Variants in COL9A1 observed in about 807,000 individuals in gnomAD.
COL9A1 encodes collagen alpha-1(IX) chain.
COL9A1 carries 104 observed loss-of-function variants against 142.6 expected under a neutral mutation model. That is an observed-to-expected ratio of 0.73 (90% CI 0.62 to 0.86). COL9A1 has a LOEUF of 0.86. Among genes scored for constraint, COL9A1 ranks in the 40% least tolerant of loss-of-function variants. The pLI is 0.00. For missense variants in COL9A1, 1,210 were observed against 1,176.6 expected (o/e 1.03, Z -0.42); for synonymous variants, 466 against 396.0 (o/e 1.18, Z -2.10).
intron 17 of COL9A1, among the ~76,000 whole-genome samples, chr6:70,267,318 G>GTTTTTTTTTTTTTTTTTTTTTTTTTT (rs1253782694): frequency 1.0e-5 from 1 of 97,726 alleles, no homozygotes; most frequent in Non-Finnish European, 2.3e-5. Flanking sequence ...TTGTTTGTTT[G>GTTTTTTTTTTTTTTTTTTTTTTTTTT]GTTTTTTTGT....
chr6:70,231,516 A>G (rs1025350797), intron 36 of COL9A1, among the ~76,000 whole-genome samples: 2 of 152,216 alleles, frequency 1.3e-5, no homozygotes, highest in Non-Finnish European at 2.9e-5. Context: ...GCCTTATAAG[A>G]GGTCTCAGTT....
intron 20 of COL9A1, among the ~76,000 whole-genome samples, chr6:70,260,416 G>T (rs1350373822): frequency 1.3e-5 from 2 of 151,908 alleles, no homozygotes; most frequent in Non-Finnish European, 2.9e-5. Context: ...GGTGGCAGGC[G>T]CCTGTAATCC....
chr6:70,282,983 G>T (rs774549806), intron 6 of COL9A1, 65 bp from the exon 7 acceptor site: 67 of 1,613,856 alleles, frequency 4.2e-5, no homozygotes, highest in Non-Finnish European at 5.6e-5. Context: ...CAACTTACTT[G>T]AGCCGCGCAC....
chr6:70,278,616 G>A (rs1223949394), intron 10 of COL9A1, among the ~76,000 whole-genome samples: 1 of 151,866 alleles, frequency 6.6e-6, no homozygotes, highest in Non-Finnish European at 1.5e-5. Flanking sequence ...TTCCTCTCCT[G>A]TCTCAGCAGA....
At chr6:70,255,439 T>G in intron 21 of COL9A1, 49 bp from the exon 22 acceptor site, 1 of 1,515,186 alleles carries the variant, frequency 6.6e-7, no homozygotes, top group Non-Finnish European at 9.2e-7. Context: ...TACTTATTAA[T>G]CAACTTTTAA....
chr6:70,219,071 G>A (rs1768712259), intron 37 of COL9A1, among the ~76,000 whole-genome samples: 1 of 152,206 alleles, frequency 6.6e-6, no homozygotes, highest in African/African-American at 2.4e-5. Flanking sequence ...AGATAAAGCT[G>A]TAGCAGAACT....
chr6:70,230,438 T>C (rs1769473070), intron 36 of COL9A1, among the ~76,000 whole-genome samples: 1 of 152,122 alleles, frequency 6.6e-6, no homozygotes, highest in Admixed American at 6.6e-5. Flanking sequence ...AAAAAAATCC[T>C]TTGGAAAAGG....
chr6:70,253,408 C>A lies in COL9A1; in HGVS notation c.1741G>T (p.Ala581Ser). The A allele has an allele frequency of 6.2e-7, 1 of 1,606,240 alleles. No individual in the cohort carries two copies. The highest frequency in any genetic ancestry group is 8.5e-7 in the Non-Finnish European group (1 of 1,173,472). Residue 581 changes from alanine to serine, a missense_variant, in exon 26 of 38, where the codon GCA (alanine) becomes TCA (serine). Physicochemically the swap from Ala to Ser is moderately conservative, Grantham distance 99 (BLOSUM62 1). Coordinates refer to ENST00000357250, the MANE Select transcript of COL9A1 (RefSeq NM_001851.6). Reference protein sequence around the residue: ...GLPGVPGIPGAKGVAGEKGST... With the variant: ...GLPGVPGIPGSKGVAGEKGST... ...ACCTTTTCACCAGCAACACCCTTTG[C>A]ACCAGGAATTCCAGGTACACCCTAA...
intron 11 of COL9A1, 58 bp downstream of exon 11, chr6:70,274,661 A>G (rs1183256027): frequency 1.4e-6 from 2 of 1,386,756 alleles, no homozygotes; most frequent in African/African-American, 1.4e-5. Context: ...CAAACACTGC[A>G]ATAAAATTAT....
At chr6:70,279,286 A>G (rs975800086) in intron 10 of COL9A1, among the ~76,000 whole-genome samples, 1 of 152,218 alleles carries the variant, frequency 6.6e-6, no homozygotes, top group Non-Finnish European at 1.5e-5. Context: ...ATTGCCAACA[A>G]GTTATATTAT....
chr6:70,256,686 A>G (rs1407365869), intron 21 of COL9A1, 82 bp downstream of exon 21: 2 of 1,144,112 alleles, frequency 1.7e-6, no homozygotes, highest in Non-Finnish European at 2.6e-6. Context: ...TTATTCACAC[A>G]TAAACAATAC....
chr6:70,280,219 G>A (rs1405647059), intron 10 of COL9A1: 5 of 996,856 alleles, frequency 5.0e-6, no homozygotes, highest in Non-Finnish European at 6.6e-6. Context: ...TGCCAGTAAT[G>A]CCAGCCAGAA....
rs533913626 is a variant in COL9A1 at position 70,266,171 on chromosome 6, G to T, written c.1341+546C>A. On this transcript the variant is annotated intron_variant, in intron 18 of 37. Coordinates refer to ENST00000357250, the MANE Select transcript of COL9A1 (RefSeq NM_001851.6). ...CAGCTGCAATGCAAATTGTGCTGTG[G>T]ATTCTATTTCTATGCAGATAATAAC... 1.1e-4 allele frequency among the ~76,000 whole-genome samples: 17 copies of T among 152,238 alleles called. No individual in the cohort carries two copies. In the South Asian group the frequency reaches 3.5e-3, roughly 32 times the overall value.
chr6:70,294,562 T>A lies in COL9A1; in HGVS notation c.301A>T (p.Asn101Tyr). ...TCAGGCAGTCCACTGGGATATAAAT[T>A]CCTGAGTAAAATTTTTAAATAGTAA... ...NNVDFRIPTR[N>Y]LYPSGLPEEY... The change falls in exon 5 of 38, where the codon AAT becomes TAT. Residue 101 changes from asparagine to tyrosine, a missense_variant and splice_region_variant. Physicochemically the swap from Asn to Tyr is moderately radical, Grantham distance 143. Transcript: ENST00000357250. 1 of 1,613,792 alleles carries A rather than the reference T, an allele frequency of 6.2e-7. No individual in the cohort carries two copies. Among genetic ancestry groups the A allele is most frequent in the Non-Finnish European group, 8.5e-7 (1 of 1,179,832 alleles).
intron 4 of COL9A1, among the ~76,000 whole-genome samples, chr6:70,299,829 T>C (rs747076321): frequency 2.6e-5 from 4 of 152,228 alleles, no homozygotes; most frequent in Non-Finnish European, 5.9e-5. Flanking sequence ...GTCTCAGTGA[T>C]GCTTTTTCCT....
chr6:70,300,490 C>A (rs1189730229), intron 2 of COL9A1, 104 bp from the exon 3 acceptor site: 1 of 459,304 alleles, frequency 2.2e-6, no homozygotes, highest in African/African-American at 2.1e-5. Flanking sequence ...AATTTAGAAC[C>A]AGAAAATAGC....
chr6:70,243,432 T>G (rs1223053090), intron 28 of COL9A1, among the ~76,000 whole-genome samples: 2 of 152,226 alleles, frequency 1.3e-5, no homozygotes, highest in Admixed American at 1.3e-4. Context: ...GCTAAGCTTT[T>G]CTAATCTATT....
At chr6:70,294,729 C>G (rs1773790143) in intron 4 of COL9A1, among the ~76,000 whole-genome samples, 166 bp from the exon 5 acceptor site, 1 of 152,152 alleles carries the variant, frequency 6.6e-6, no homozygotes, top group Non-Finnish European at 1.5e-5. Context: ...AAGACCTTTA[C>G]AGAAGTTCAA....
At chr6:70,292,799 C>A (rs1391540236) in intron 5 of COL9A1, among the ~76,000 whole-genome samples, 1 of 152,154 alleles carries the variant, frequency 6.6e-6, no homozygotes. Context: ...GTCTGAGAAC[C>A]TTTCCAGTGT....
Sources: allele counts gnomAD v4.1 joint callset (sites outside exome capture counted in the v4.1 genomes callset), GRCh38; gene constraint gnomAD v4.1.1; transcripts MANE v1.5; gene names NCBI Gene and HGNC (gene_info 2026-07-23, HGNC 2026-07-21).